PRKCE: variants seen among roughly 807,000 people sequenced by gnomAD.
PRKCE encodes protein kinase C epsilon.
Under a neutral mutation model 85.4 loss-of-function variants are expected in PRKCE, and 16 were observed. The observed-to-expected ratio is 0.19, with a 90% CI of 0.13 to 0.28. PRKCE has a LOEUF of 0.28. Ranked by LOEUF, PRKCE falls within the 10% of genes least tolerant of loss-of-function variation. PRKCE has a pLI of 1.00. For missense variants in PRKCE, 573 were observed against 975.2 expected, an observed-to-expected ratio of 0.59 and a Z score of 5.49; for synonymous variants, 388 against 371.5, an observed-to-expected ratio of 1.04 and a Z score of -0.51.
intron 11 of PRKCE, among the ~76,000 whole-genome samples, chr2:46,115,273 A>T (rs1300586041): frequency 6.6e-6 from 1 of 152,222 alleles, no homozygotes; most frequent in African/African-American, 2.4e-5. Flanking sequence ...CATAGGACAG[A>T]CATTCTCAGG....
chr2:46,093,998 CTT>C (rs986012786), intron 11 of PRKCE, among the ~76,000 whole-genome samples: 23 of 152,062 alleles, frequency 1.5e-4, no homozygotes, highest in African/African-American at 5.6e-4. Flanking sequence ...ATAAATATCT[CTT>C]TGTTTTCTAT....
intron 1 of PRKCE, among the ~76,000 whole-genome samples, chr2:45,799,165 C>CAA (rs60365471): frequency 5.5e-4 from 66 of 119,712 alleles, no homozygotes; most frequent in African/African-American, 1.8e-3. Context: ...GACTCCGTTT[C>CAA]AAAAAAAAAA....
chr2:45,886,182 ATGCATGGTGAAGTGCT>A (rs1444752597), intron 2 of PRKCE, among the ~76,000 whole-genome samples: 1 of 152,166 alleles, frequency 6.6e-6, no homozygotes, highest in Non-Finnish European at 1.5e-5. Flanking sequence ...TGGCCTTAGA[ATGCATGGTGAAGTGCT>A]TGCAGGACTG....
intron 1 of PRKCE, among the ~76,000 whole-genome samples, chr2:45,753,402 C>A (rs903491440): frequency 1.3e-5 from 2 of 152,208 alleles, no homozygotes; most frequent in African/African-American, 2.4e-5. Context: ...AAGTACTAGA[C>A]TGAAACTAAA....
intron 10 of PRKCE, among the ~76,000 whole-genome samples, chr2:46,019,744 G>A (rs756556828): frequency 1.0e-4 from 15 of 150,448 alleles, no homozygotes; most frequent in Non-Finnish European, 1.8e-4. Context: ...AGGACTTCCT[G>A]TACACTGTTT....
Position 46,004,470 on chromosome 2 carries a change from G to T in PRKCE, c.967-72G>T, listed in dbSNP as rs924329058. On this transcript the variant is annotated intron_variant, in intron 7 of 14. Transcript: ENST00000306156. This position sits in a 1 kb window ranked among gnomAD's most constrained non-coding sequence, Gnocchi z 4.1. Reference sequence around the variant, plus strand: ...TCTCATGGCTCTTATACGGCATCTTGATGCTTTTGACATCAGAAAACTCTC... The same window carrying T: ...TCTCATGGCTCTTATACGGCATCTTTATGCTTTTGACATCAGAAAACTCTC... The T allele has an allele frequency of 1.6e-6, 2 of 1,237,190 alleles. No homozygotes were observed. The highest frequency in any genetic ancestry group is 1.5e-5 in the African/African-American group (1 of 66,972). The allele number at this position is 1,237,190 out of a possible 1,614,324, so 76.6% of individuals were successfully genotyped here. A position where few individuals can be genotyped will look rare whatever the true frequency, so the allele number is the denominator to read the frequency against.
At chr2:45,936,295 T>C (rs1699449008) in intron 2 of PRKCE, among the ~76,000 whole-genome samples, 1 of 152,230 alleles carries the variant, frequency 6.6e-6, no homozygotes, top group Non-Finnish European at 1.5e-5. Context: ...CACTCAATTC[T>C]TTTCCCTGCT....
chr2:45,936,117 G>T (rs1018926247), intron 2 of PRKCE, among the ~76,000 whole-genome samples: 5 of 152,158 alleles, frequency 3.3e-5, no homozygotes, highest in African/African-American at 9.7e-5. Context: ...AGGAGGGCAG[G>T]CACTGAGGGC....
At chr2:45,688,275 T>C (rs1677456466) in intron 1 of PRKCE, among the ~76,000 whole-genome samples, 1 of 152,054 alleles carries the variant, frequency 6.6e-6, no homozygotes, top group Non-Finnish European at 1.5e-5. Context: ...TTTTTTAGTA[T>C]TAAAAAAATT....
At chr2:46,056,274 T>C (rs570997660) in intron 10 of PRKCE, among the ~76,000 whole-genome samples, 45 of 152,210 alleles carry the variant, frequency 3.0e-4, no homozygotes, top group African/African-American at 1.1e-3. Context: ...TCCTTTGGCT[T>C]TCAGGCCCAT....
chr2:45,823,281 T>C (rs1459384956), intron 1 of PRKCE, among the ~76,000 whole-genome samples: 2 of 152,200 alleles, frequency 1.3e-5, no homozygotes. Flanking sequence ...CACACCTGGA[T>C]CTATGAGAGT....
chr2:45,663,012 A>G (rs1470121272), intron 1 of PRKCE, among the ~76,000 whole-genome samples: 1 of 152,188 alleles, frequency 6.6e-6, no homozygotes, highest in Admixed American at 6.5e-5. Flanking sequence ...GGAGCATATA[A>G]TTGACCAGCG....
chr2:45,884,235 G>T (rs559145028), intron 2 of PRKCE, among the ~76,000 whole-genome samples: 1 of 152,232 alleles, frequency 6.6e-6, no homozygotes, highest in Admixed American at 6.5e-5. Context: ...CTGCCACTGG[G>T]CAAGTTACTC....
At chr2:45,812,177 A>G (rs929247183) in intron 1 of PRKCE, among the ~76,000 whole-genome samples, 2 of 152,212 alleles carry the variant, frequency 1.3e-5, no homozygotes, top group Admixed American at 6.5e-5. Context: ...CACTTGTTCT[A>G]CTTACCTAAC....
At chr2:46,094,894 G>A (rs1574457652) in intron 11 of PRKCE, among the ~76,000 whole-genome samples, 1 of 151,714 alleles carries the variant, frequency 6.6e-6, no homozygotes, top group East Asian at 1.9e-4. Context: ...GAAGTCTGAA[G>A]TCAATTGAAT....
chr2:46,002,295 A>C (rs1292382921), intron 7 of PRKCE, among the ~76,000 whole-genome samples: 2 of 152,244 alleles, frequency 1.3e-5, no homozygotes, highest in Non-Finnish European at 2.9e-5. Context: ...TTAACAGGGC[A>C]GAAAATCCGG....
At chr2:45,937,808 G>A (rs142654397) in intron 2 of PRKCE, among the ~76,000 whole-genome samples, 1 of 152,246 alleles carries the variant, frequency 6.6e-6, no homozygotes, top group East Asian at 1.9e-4. Flanking sequence ...CCTGGTACTT[G>A]ATAATGATTA....
rs568485678 is a variant in PRKCE, at chr2:45,747,195, A to T, written c.348+94747A>T. On this transcript the variant is annotated intron_variant, in intron 1 of 14. Transcript: ENST00000306156. ...GGTATTTTTTTTGCAAATTAAAAAA[A>T]TTGTGGTAAAATACACATGACACAT... 2.0e-4 allele frequency among the ~76,000 whole-genome samples: 30 copies of T among 152,348 alleles called. 1 individual carries two copies. In the South Asian group the frequency reaches 6.0e-3, roughly 30 times the overall value.
chr2:45,895,159 G>T lies in PRKCE; in HGVS notation c.412+52096G>T, dbSNP rs1696039359. ...GAAAAGGCGCCCAGGTGTCTCTTGA[G>T]AAAGGAAGGAAGTTTTTTTCAGGCG... On this transcript the variant is annotated intron_variant, in intron 2 of 14. Coordinates refer to ENST00000306156, the MANE Select transcript of PRKCE (RefSeq NM_005400.3). This position sits in a 1 kb window ranked among gnomAD's most constrained non-coding sequence, Gnocchi z 4.8. Among the ~76,000 whole-genome samples, 1 of 152,234 alleles carries T rather than the reference G, an allele frequency of 6.6e-6. No homozygotes were observed. The highest frequency in any genetic ancestry group is 2.1e-4 in the South Asian group (1 of 4,836).
Sources: allele counts gnomAD v4.1 joint callset (sites outside exome capture counted in the v4.1 genomes callset), GRCh38; gene constraint gnomAD v4.1.1; non-coding constraint Gnocchi (gnomAD v3.1); transcripts MANE v1.5; gene names NCBI Gene and HGNC (gene_info 2026-07-23, HGNC 2026-07-21).